TRHDE: variants seen among roughly 807,000 people sequenced by gnomAD.
TRHDE encodes thyrotropin releasing hormone degrading enzyme, also known as thyrotropin-releasing hormone-degrading ectoenzyme.
A neutral mutation model predicts 125.7 loss-of-function variants in TRHDE; 72 were observed. The ratio of observed to expected loss-of-function variants is 0.57; its 90% confidence interval spans 0.47 to 0.70. The LOEUF is 0.70. Among genes scored for constraint, TRHDE ranks in the 30% least tolerant of loss-of-function variants. The pLI is 0.00. For missense variants in TRHDE, 1,110 were observed against 1,327.1 expected (o/e 0.84, Z 2.54); for synonymous variants, 509 against 509.1 (o/e 1.00, Z 0.00).
At chr12:72,594,493 C>T (rs983892753) in intron 12 of TRHDE, among the ~76,000 whole-genome samples, 5 of 140,366 alleles carry the variant, frequency 3.6e-5, no homozygotes, top group Non-Finnish European at 6.0e-5. Context: ...TCTGGGATTA[C>T]AGATGTGAGT....
At chr12:72,591,178 A>G (rs763736289) in intron 12 of TRHDE, among the ~76,000 whole-genome samples, 4 of 152,168 alleles carry the variant, frequency 2.6e-5, no homozygotes, top group East Asian at 1.9e-4. Context: ...ACCCACCCCC[A>G]TGATTCAATT....
At chr12:72,565,139 C>T (rs1870380387) in intron 9 of TRHDE, among the ~76,000 whole-genome samples, 1 of 152,096 alleles carries the variant, frequency 6.6e-6, no homozygotes, top group African/African-American at 2.4e-5. Context: ...ACATCCTGGT[C>T]AAAGCTTCAA....
intron 2 of TRHDE, among the ~76,000 whole-genome samples, chr12:72,180,542 A>G (rs1167403038): frequency 6.6e-6 from 1 of 151,896 alleles, no homozygotes; most frequent in Non-Finnish European, 1.5e-5. Flanking sequence ...CCTTGAGTTT[A>G]TTATTCTTAT....
intron 15 of TRHDE, among the ~76,000 whole-genome samples, chr12:72,646,292 T>C (rs1874276996): frequency 6.6e-6 from 1 of 151,948 alleles, no homozygotes; most frequent in African/African-American, 2.4e-5. Flanking sequence ...AATAGACTGT[T>C]ATAAGATATG....
At chr12:72,306,337 T>C (rs1404108163) in intron 2 of TRHDE, among the ~76,000 whole-genome samples, 2 of 152,214 alleles carry the variant, frequency 1.3e-5, no homozygotes, top group African/African-American at 4.8e-5. Flanking sequence ...GCATGATACC[T>C]CTGTAAATCA....
At chr12:72,198,932 G>GGAGA (rs111453106) in intron 2 of TRHDE, among the ~76,000 whole-genome samples, 291 of 147,250 alleles carry the variant, frequency 2.0e-3, no homozygotes, top group Admixed American at 3.9e-3. Flanking sequence ...TGGTGAAGCA[G>GGAGA]GAGAGAGAGA....
intron 3 of TRHDE, among the ~76,000 whole-genome samples, chr12:72,390,091 G>A (rs868322157): frequency 6.6e-6 from 1 of 152,140 alleles, no homozygotes; most frequent in Non-Finnish European, 1.5e-5. Context: ...AAAACTATGA[G>A]CTTTGTTTTG....
chr12:72,461,564 T>A (rs1876125840), intron 3 of TRHDE, among the ~76,000 whole-genome samples: 1 of 152,004 alleles, frequency 6.6e-6, no homozygotes, highest in South Asian at 2.1e-4. Context: ...TAAACACAAA[T>A]GCATATAGAC....
At chr12:72,430,449 A>G (rs1874424892) in intron 3 of TRHDE, among the ~76,000 whole-genome samples, 1 of 148,744 alleles carries the variant, frequency 6.7e-6, no homozygotes, top group Admixed American at 6.8e-5. Context: ...ACACACGTAT[A>G]TATATGTGTA....
chr12:72,106,371 AG>A (rs1875188361), intron 2 of TRHDE, among the ~76,000 whole-genome samples: 1 of 152,162 alleles, frequency 6.6e-6, no homozygotes, highest in Admixed American at 6.5e-5. Flanking sequence ...TTTTAGTTAA[AG>A]AAAAAGGTAA....
At chr12:72,643,230 A>G (rs1044517868) in intron 15 of TRHDE, among the ~76,000 whole-genome samples, 2 of 152,090 alleles carry the variant, frequency 1.3e-5, no homozygotes, top group African/African-American at 4.8e-5. Context: ...TAATAGGGCT[A>G]TTTCTTCCCT....
chr12:72,512,588 C>A (rs1398289377), intron 6 of TRHDE, among the ~76,000 whole-genome samples: 28 of 136,002 alleles, frequency 2.1e-4, no homozygotes, highest in African/African-American at 7.6e-4. Flanking sequence ...ATATAATAAT[C>A]ATATATAATC....
intron 2 of TRHDE, among the ~76,000 whole-genome samples, chr12:72,146,564 G>C (rs927879332): frequency 6.6e-6 from 1 of 152,196 alleles, no homozygotes. Flanking sequence ...TTTGGTCAAT[G>C]AAAAAGCGTT....
Position 72,394,875 on chromosome 12 carries a change from A to G in TRHDE, c.1315+16754A>G, listed in dbSNP as rs180834487. Among the ~76,000 whole-genome samples, 22 of 151,958 alleles carry G rather than the reference A, an allele frequency of 1.4e-4. No individual in the cohort carries two copies. In the East Asian group the frequency reaches 4.3e-3, roughly 29 times the overall value. On this transcript the variant is annotated intron_variant, in intron 3 of 18. Transcript: ENST00000261180. ...ATCTTGGTTGAATTAATCTACTGTT[A>G]CCTCCCAGGAATCATATTTCACCAA...
chr12:72,623,945 C>T (rs1165105336), intron 15 of TRHDE, among the ~76,000 whole-genome samples: 1 of 151,960 alleles, frequency 6.6e-6, no homozygotes, highest in African/African-American at 2.4e-5. Flanking sequence ...ATTCTTTTGT[C>T]ATTTCCTTCA....
At chr12:72,524,022 A>T (rs898341370) in intron 6 of TRHDE, among the ~76,000 whole-genome samples, 1 of 152,168 alleles carries the variant, frequency 6.6e-6, no homozygotes, top group South Asian at 2.1e-4. Context: ...CAAGTCCTCA[A>T]TACTAACCTG....
intron 3 of TRHDE, among the ~76,000 whole-genome samples, chr12:72,384,307 A>G (rs941150093): frequency 6.6e-6 from 1 of 152,156 alleles, no homozygotes; most frequent in African/African-American, 2.4e-5. Context: ...GAACAGTGCT[A>G]TGATTGTAGA....
intron 18 of TRHDE, among the ~76,000 whole-genome samples, chr12:72,658,836 A>G (rs1404029094): frequency 2.0e-5 from 3 of 152,158 alleles, no homozygotes; most frequent in African/African-American, 7.2e-5. Context: ...CTCTGGAGTT[A>G]TTTACTCTGG....
At chr12:72,587,126 A>G (rs900609284) in intron 12 of TRHDE, among the ~76,000 whole-genome samples, 2 of 152,168 alleles carry the variant, frequency 1.3e-5, no homozygotes, top group South Asian at 4.1e-4. Context: ...ATCCTTTTTC[A>G]ACTGATAGTG....
Sources: gnomAD v4.1 joint callset for allele counts (sites outside exome capture counted in the v4.1 genomes callset) on GRCh38, gnomAD v4.1.1 for gene constraint, MANE v1.5 for transcripts, NCBI Gene and HGNC (gene_info 2026-07-23, HGNC 2026-07-21) for gene names.